Variants in WDR7 observed in about 807,000 individuals in gnomAD.
WDR7 encodes the protein WD repeat domain 7.
Under a neutral mutation model 169.4 loss-of-function variants are expected in WDR7, and 46 were observed. That is an observed-to-expected ratio of 0.27 (90% CI 0.21 to 0.35). The LOEUF is 0.35. WDR7 is among the 10% of genes least tolerant of loss of function. The pLI is 1.00. For synonymous variants in WDR7, 612 were observed against 666.8 expected (o/e 0.92, Z 1.27); for missense variants, 1,534 against 1,859.3 (o/e 0.83, Z 3.22).
In WDR7 at chr18:57,020,895, T is replaced by C. The variant is rs774132377; in HGVS notation, c.4269+46T>C. 69 of 1,572,664 alleles carry C rather than the reference T, an allele frequency of 4.4e-5. No homozygotes were observed. In the South Asian group the frequency reaches 7.6e-4, roughly 17 times the overall value. Reference sequence around the variant, plus strand: ...GTCTTAAAGCATATACTGCGTGATATGCCTTTGGTAGTAAGCCTTCCTGTT... The same window carrying C: ...GTCTTAAAGCATATACTGCGTGATACGCCTTTGGTAGTAAGCCTTCCTGTT... On this transcript the variant is annotated intron_variant, in intron 27 of 27. Transcript: ENST00000254442.
In WDR7 at chr18:56,691,214, A is replaced by C; in HGVS notation, c.718-2A>C. 1 of 1,603,498 alleles carries C rather than the reference A, an allele frequency of 6.2e-7. No homozygotes were observed. Among genetic ancestry groups the C allele is most frequent in the Non-Finnish European group, 8.5e-7 (1 of 1,176,630 alleles). On this transcript the variant is annotated splice_acceptor_variant, in intron 7 of 27. Coordinates refer to ENST00000254442, the MANE Select transcript of WDR7 (RefSeq NM_015285.3). LOFTEE classifies it high-confidence loss of function. ...GATTGTGAATTTCTTTCTTCCTTGC[A>C]GGTGTTCGATGCCGGAGACTATTCC... is the stretch of plus-strand genomic sequence containing the variant.
intron 22 of WDR7, among the ~76,000 whole-genome samples, chr18:56,928,662 T>C (rs928261692): frequency 1.3e-5 from 2 of 152,196 alleles, no homozygotes; most frequent in African/African-American, 4.8e-5. Flanking sequence ...TTCTATTGAA[T>C]GCTTACTACC....
chr18:56,859,396 T>C (rs1222469074), intron 20 of WDR7, among the ~76,000 whole-genome samples: 2 of 152,162 alleles, frequency 1.3e-5, no homozygotes, highest in Non-Finnish European at 2.9e-5. Context: ...CACCACTCCC[T>C]AGCCACAAGA....
intron 21 of WDR7, among the ~76,000 whole-genome samples, chr18:56,901,815 T>A (rs2046406219): frequency 6.6e-6 from 1 of 152,054 alleles, no homozygotes; most frequent in African/African-American, 2.4e-5. Flanking sequence ...CCTAGTTGCA[T>A]TGTATGTTGT....
At chr18:56,865,872 T>C (rs1192166765) in intron 20 of WDR7, among the ~76,000 whole-genome samples, 1 of 152,198 alleles carries the variant, frequency 6.6e-6, no homozygotes, top group Admixed American at 6.5e-5. Flanking sequence ...GATAGCTTTG[T>C]ACTAAATATA....
chr18:56,662,176 A>C (rs937191562), intron 1 of WDR7, among the ~76,000 whole-genome samples: 1 of 152,208 alleles, frequency 6.6e-6, no homozygotes, highest in Non-Finnish European at 1.5e-5. Context: ...TTTTGTCTGC[A>C]AGTCACAGGG....
At chr18:56,833,968 A>T (rs896259636) in intron 20 of WDR7, among the ~76,000 whole-genome samples, 3 of 152,226 alleles carry the variant, frequency 2.0e-5, no homozygotes, top group African/African-American at 7.2e-5. Flanking sequence ...GCTCTAGGAC[A>T]CAAAAGGCTT....
At chr18:56,877,277 G>A (rs1473260332) in intron 20 of WDR7, among the ~76,000 whole-genome samples, 3 of 152,006 alleles carry the variant, frequency 2.0e-5, no homozygotes, top group Non-Finnish European at 4.4e-5. Flanking sequence ...GACTCAAGAA[G>A]AAGAAAGTCA....
chr18:56,781,907 C>T (rs1249715554), intron 19 of WDR7: 1 of 278,504 alleles, frequency 3.6e-6, no homozygotes, highest in African/African-American at 2.2e-5. Context: ...AAATGAATTC[C>T]CCATCAAACA....
chr18:56,731,780 G>A (rs1297125480), intron 14 of WDR7, among the ~76,000 whole-genome samples, 183 bp downstream of exon 14: 1 of 152,142 alleles, frequency 6.6e-6, no homozygotes, highest in Non-Finnish European at 1.5e-5. Flanking sequence ...TTTTGGAAAA[G>A]TATATTATTC....
intron 20 of WDR7, among the ~76,000 whole-genome samples, chr18:56,879,268 G>T (rs1036540817): frequency 6.6e-6 from 1 of 152,138 alleles, no homozygotes; most frequent in African/African-American, 2.4e-5. Context: ...TTCCATTTCT[G>T]TGCATCCTCA....
intron 12 of WDR7, 35 bp downstream of exon 12, chr18:56,696,497 G>T (rs763266555): frequency 2.0e-6 from 3 of 1,530,886 alleles, no homozygotes; most frequent in South Asian, 1.2e-5. Context: ...ATTTCACTAT[G>T]GTAGAGCCAA....
chr18:56,757,328 A>T lies in WDR7; in HGVS notation c.2735A>T (p.Asp912Val). ...MSMTNATFIG[D>V]HMKKGPTRPP... ...ATGACCAATGCAACTTTTATTGGTG[A>T]TCATATGAAGAAGGGTCCTACCAGG... The change falls in exon 15 of 28, where the codon GAT becomes GTT. Residue 912 changes from aspartate (D) to valine (V), a missense_variant. Physicochemically the swap from Asp to Val is radical, Grantham distance 152. Transcript: ENST00000254442. 3 of 1,609,974 alleles carry T rather than the reference A, an allele frequency of 1.9e-6. No individual in the cohort carries two copies. Among genetic ancestry groups the T allele is most frequent in the Non-Finnish European group, 2.5e-6 (3 of 1,176,908 alleles).
At chr18:56,795,047 C>T (rs2044559865) in intron 19 of WDR7, among the ~76,000 whole-genome samples, 1 of 152,196 alleles carries the variant, frequency 6.6e-6, no homozygotes, top group South Asian at 2.1e-4. Flanking sequence ...TGCACCCTGG[C>T]TACACTTCAG....
intron 20 of WDR7, among the ~76,000 whole-genome samples, chr18:56,867,684 T>C (rs2045901261): frequency 6.6e-6 from 1 of 152,212 alleles, no homozygotes; most frequent in Admixed American, 6.5e-5. Context: ...ATTAAACTTT[T>C]CCCCTACTGT....
intron 26 of WDR7, among the ~76,000 whole-genome samples, chr18:56,997,098 G>A (rs1197150871): frequency 3.3e-5 from 5 of 152,154 alleles, no homozygotes; most frequent in Admixed American, 2.6e-4. Flanking sequence ...GCATCTTAGA[G>A]TATGACTTGC....
At chr18:56,890,616 A>C (rs145360089) in intron 21 of WDR7, among the ~76,000 whole-genome samples, 8 of 152,336 alleles carry the variant, frequency 5.3e-5, no homozygotes, top group African/African-American at 1.9e-4. Flanking sequence ...ATTCACAAAT[A>C]GTTATCAGAT....
chr18:56,743,409 G>A (rs115336926), intron 14 of WDR7, among the ~76,000 whole-genome samples: 4,349 of 152,200 alleles, frequency 0.029, 183 homozygotes, highest in African/African-American at 0.099. Context: ...AAAAGGAAAC[G>A]ATTTAGAGAA....
chr18:56,702,460 A>G (rs141618421), intron 12 of WDR7, among the ~76,000 whole-genome samples: 73 of 152,358 alleles, frequency 4.8e-4, no homozygotes, highest in African/African-American at 1.5e-3. Flanking sequence ...GATAGATATG[A>G]TTGACAGCAG....
Sources: gnomAD v4.1 joint callset for allele counts (sites outside exome capture counted in the v4.1 genomes callset) on GRCh38, gnomAD v4.1.1 for gene constraint, MANE v1.5 for transcripts, NCBI Gene and HGNC (gene_info 2026-07-23, HGNC 2026-07-21) for gene names.